Variants in ADAMTSL1 observed in about 807,000 individuals in gnomAD.
The protein encoded by ADAMTSL1 is ADAMTS-like protein 1.
ADAMTSL1 carries 126 observed loss-of-function variants against 201.8 expected under a neutral mutation model. The observed-to-expected ratio is 0.62, with a 90% CI of 0.54 to 0.72. The LOEUF (loss-of-function observed/expected upper bound fraction) is 0.72, where lower values mean the gene tolerates loss of function less well. Ranked by LOEUF, ADAMTSL1 falls within the 30% of genes least tolerant of loss-of-function variation. The pLI, the probability that ADAMTSL1 is intolerant of heterozygous loss-of-function variation, is 0.00. For synonymous variants in ADAMTSL1, 1,121 were observed against 903.4 expected (o/e 1.24, Z -4.32); for missense variants, 2,679 against 2,277.8 (o/e 1.18, Z -3.59).
chr9:18,292,166 G>C (rs534194287), intron 2 of ADAMTSL1, among the ~76,000 whole-genome samples: 4 of 152,184 alleles, frequency 2.6e-5, no homozygotes, highest in African/African-American at 9.6e-5. Flanking sequence ...TCCAAAGAAG[G>C]ATCTGGATCT....
chr9:18,103,097 A>G (rs1268018580), intron 1 of ADAMTSL1, among the ~76,000 whole-genome samples: 3 of 152,180 alleles, frequency 2.0e-5, no homozygotes, highest in Non-Finnish European at 4.4e-5. Context: ...TGATTTCTCT[A>G]TATTCCTGGG....
intron 1 of ADAMTSL1, among the ~76,000 whole-genome samples, chr9:17,931,498 A>C (rs1435340355): frequency 1.3e-5 from 2 of 152,186 alleles, no homozygotes; most frequent in Admixed American, 6.6e-5. Context: ...TACAACCTTC[A>C]AATAGAAAAA....
chr9:18,661,633 G>A (rs373626912), intron 8 of ADAMTSL1, among the ~76,000 whole-genome samples: 2 of 152,166 alleles, frequency 1.3e-5, no homozygotes, highest in East Asian at 1.9e-4. Flanking sequence ...TATATTTTTA[G>A]ATCATATAAA....
chr9:18,894,369 G>A (rs1829482938), intron 26 of ADAMTSL1, among the ~76,000 whole-genome samples: 1 of 77,490 alleles, frequency 1.3e-5, no homozygotes, highest in East Asian at 2.8e-4. Context: ...TTTGAAAAAG[G>A]TATGCTGTCT....
chr9:18,351,431 TA>T (rs894723882), intron 2 of ADAMTSL1, among the ~76,000 whole-genome samples: 160 of 152,002 alleles, frequency 1.1e-3, no homozygotes, highest in African/African-American at 3.8e-3. Flanking sequence ...AACACATAAA[TA>T]AAACCCCCTT....
chr9:18,645,178 A>T (rs1159032572), intron 7 of ADAMTSL1, among the ~76,000 whole-genome samples: 3 of 152,176 alleles, frequency 2.0e-5, no homozygotes, highest in African/African-American at 7.2e-5. Context: ...TGGCTGCAAA[A>T]ATGTCTTCTT....
intron 5 of ADAMTSL1, among the ~76,000 whole-genome samples, chr9:18,627,320 G>A (rs962918076): frequency 6.6e-6 from 1 of 152,024 alleles, no homozygotes; most frequent in Non-Finnish European, 1.5e-5. Flanking sequence ...AGTGAGTAGT[G>A]GTATTTCATA....
intron 1 of ADAMTSL1, among the ~76,000 whole-genome samples, chr9:17,931,064 G>C (rs1321942300): frequency 3.3e-5 from 5 of 152,052 alleles, no homozygotes. Context: ...CCATCTCATG[G>C]GGCTATTAAT....
At chr9:18,257,538 G>T (rs1831735345) in intron 2 of ADAMTSL1, among the ~76,000 whole-genome samples, 2 of 152,142 alleles carry the variant, frequency 1.3e-5, no homozygotes, top group Admixed American at 1.3e-4. Context: ...AAAATGTGTG[G>T]GTGATGATAT....
At chr9:18,075,719 AC>A (rs1823190139) in intron 1 of ADAMTSL1, among the ~76,000 whole-genome samples, 1 of 152,184 alleles carries the variant, frequency 6.6e-6, no homozygotes, top group African/African-American at 2.4e-5. Context: ...CCCCAAGCCC[AC>A]CCTGGGAGGG....
intron 1 of ADAMTSL1, among the ~76,000 whole-genome samples, chr9:18,075,109 C>A (rs532976858): frequency 6.6e-6 from 1 of 152,048 alleles, no homozygotes; most frequent in African/African-American, 2.4e-5. Context: ...TCTTTCCCTT[C>A]TTTTCATCTT....
intron 1 of ADAMTSL1, among the ~76,000 whole-genome samples, chr9:17,979,007 C>T (rs1818574241): frequency 6.6e-6 from 1 of 151,130 alleles, no homozygotes; most frequent in South Asian, 2.1e-4. Flanking sequence ...TGCACTGTCT[C>T]CTGGCCTGCA....
intron 1 of ADAMTSL1, among the ~76,000 whole-genome samples, chr9:18,013,940 ATG>A (rs1400515618): frequency 1.5e-5 from 2 of 137,882 alleles, no homozygotes; most frequent in African/African-American, 5.5e-5. Context: ...TTCTGTAACT[ATG>A]GTAAAAGAGA....
In ADAMTSL1 at chr9:18,138,358, C is replaced by T. The variant is rs542286404; in HGVS notation, c.88-25504C>T. On this transcript the variant is annotated intron_variant, in intron 1 of 29. Coordinates refer to the ADAMTSL1 transcript ENST00000680146. ...TCTAGATAGATATCTCCCCAATTAT[C>T]TCTTTTATACCCATGTATCCAGCAG... Among the ~76,000 whole-genome samples the T allele has an allele frequency of 7.9e-5, 12 of 152,252 alleles. No homozygotes were observed. The East Asian group carries it at 2.1e-3, about 27-fold the overall frequency.
chr9:18,144,341 G>T (rs960558764), intron 1 of ADAMTSL1, among the ~76,000 whole-genome samples: 2 of 152,004 alleles, frequency 1.3e-5, no homozygotes, highest in Non-Finnish European at 2.9e-5. Context: ...GGGTAGCTGG[G>T]ATTACAGATG....
intron 1 of ADAMTSL1, among the ~76,000 whole-genome samples, chr9:18,477,146 C>T (rs1450318529): frequency 1.3e-5 from 2 of 152,130 alleles, no homozygotes; most frequent in Admixed American, 6.6e-5. Context: ...CTCCTTTGTC[C>T]CAATTGTTTA....
At chr9:18,720,205 A>G (rs936399599) in intron 14 of ADAMTSL1, among the ~76,000 whole-genome samples, 5 of 152,192 alleles carry the variant, frequency 3.3e-5, no homozygotes, top group Non-Finnish European at 7.3e-5. Context: ...TTTAAATATT[A>G]AGTCTATCAG....
chr9:18,274,313 T>C lies in ADAMTSL1; in HGVS notation c.207+110332T>C, dbSNP rs118156164. 8.5e-3 allele frequency among the ~76,000 whole-genome samples: 1,299 copies of C among 152,324 alleles called. 9 individuals are homozygous for C. Among genetic ancestry groups the C allele is most frequent in the Non-Finnish European group, 0.013 (910 of 68,020 alleles). On this transcript the variant is annotated intron_variant, in intron 2 of 29. Coordinates refer to the ADAMTSL1 transcript ENST00000680146. Reference sequence around the variant, plus strand: ...AGCTTTGATTAACATATGGTAATAATGTAGCGTTGTTGAGTTGTCCAAATC... The same window carrying C: ...AGCTTTGATTAACATATGGTAATAACGTAGCGTTGTTGAGTTGTCCAAATC...
chr9:18,509,641 C>G (rs1377433980), intron 2 of ADAMTSL1, among the ~76,000 whole-genome samples: 1 of 152,184 alleles, frequency 6.6e-6, no homozygotes, highest in South Asian at 2.1e-4. Context: ...TAGGCAAGTT[C>G]TCATAGTGAT....
Sources: gnomAD v4.1 joint callset for allele counts (sites outside exome capture counted in the v4.1 genomes callset) on GRCh38, gnomAD v4.1.1 for gene constraint, MANE v1.5 for transcripts, NCBI Gene and HGNC (gene_info 2026-07-23, HGNC 2026-07-21) for gene names.